TG: variants seen among roughly 807,000 people sequenced by gnomAD.
TG encodes the protein thyroglobulin, also known as thyroid hormones.
TG carries 270 observed loss-of-function variants against 324.7 expected under a neutral mutation model. The observed-to-expected ratio is 0.83, with a 90% CI of 0.75 to 0.92. The LOEUF (loss-of-function observed/expected upper bound fraction) is 0.92, where lower values mean the gene tolerates loss of function less well. Ranked by LOEUF, TG falls within the 40% of genes least tolerant of loss-of-function variation. The pLI, the probability that TG is intolerant of heterozygous loss-of-function variation, is 0.00. For missense variants in TG, 3,591 were observed against 3,456.4 expected, an observed-to-expected ratio of 1.04 and a Z score of -0.98; for synonymous variants, 1,401 against 1,327.0, an observed-to-expected ratio of 1.06 and a Z score of -1.21.
chr8:132,985,726 G>A (rs866086262), intron 35 of TG, among the ~76,000 whole-genome samples: 11 of 152,058 alleles, frequency 7.2e-5, no homozygotes, highest in African/African-American at 2.7e-4. Context: ...CAAAGGCCTG[G>A]GGAGCTGCAG....
chr8:132,869,914 G>A (rs962896485), intron 3 of TG, 88 bp downstream of exon 3: 9 of 1,171,176 alleles, frequency 7.7e-6, no homozygotes, highest in Non-Finnish European at 2.5e-6. Context: ...GTGGGTGACT[G>A]AGCAGGTCCT....
rs1422445011 is a variant in TG, at chr8:133,071,167, C to T, written c.7240-23877C>T. Among the ~76,000 whole-genome samples the T allele has an allele frequency of 2.0e-5, 3 of 152,288 alleles. No homozygotes were observed. In the East Asian group the frequency reaches 5.8e-4, roughly 29 times the overall value. On this transcript the variant is annotated intron_variant, in intron 41 of 47. Coordinates refer to ENST00000220616, the MANE Select transcript of TG (RefSeq NM_003235.5). ...AACAACAGGAGAGGGGGCACCAGTGCGTATTGAGGAATTGTGTGTCCTAGG... is the reference window on the plus strand; with the variant it reads ...AACAACAGGAGAGGGGGCACCAGTGTGTATTGAGGAATTGTGTGTCCTAGG...
Position 133,095,078 on chromosome 8 carries a change from G to A in TG, c.7274G>A (p.Ser2425Asn), listed in dbSNP as rs769833652. 6 of 1,614,054 alleles carry A rather than the reference G, an allele frequency of 3.7e-6. No homozygotes were observed. In the African/African-American group the frequency reaches 8.0e-5, roughly 22 times the overall value. The change falls in exon 42 of 48, where the codon AGC becomes AAC. Residue 2425 changes from serine to asparagine, a missense_variant. By Grantham distance (46) the Ser-to-Asn change is conservative. Transcript: ENST00000220616. ...GCACTCTCCCCGGCCGCCGTCATCA[G>A]CCATGAGAGGGCTCAGCAGCAGGCA... ...GSALSPAAVISHERAQQQAIA... is the reference protein window; with the variant it reads ...GSALSPAAVINHERAQQQAIA...
intron 42 of TG, 72 bp downstream of exon 42, chr8:133,095,280 A>G: frequency 6.2e-7 from 1 of 1,608,508 alleles, no homozygotes; most frequent in Non-Finnish European, 8.5e-7. Flanking sequence ...AGACCTAGGA[A>G]GGAGGTGTCA....
chr8:133,112,994 A>G (rs1850387555), intron 43 of TG, among the ~76,000 whole-genome samples: 1 of 152,214 alleles, frequency 6.6e-6, no homozygotes, highest in South Asian at 2.1e-4. Flanking sequence ...CATGAATGAA[A>G]CTGAATTTAG....
At chr8:133,000,632 A>C (rs1679538946) in intron 35 of TG, among the ~76,000 whole-genome samples, 1 of 152,188 alleles carries the variant, frequency 6.6e-6, no homozygotes, top group African/African-American at 2.4e-5. Flanking sequence ...ATGGAAGGAG[A>C]CAACACACGG....
intron 41 of TG, among the ~76,000 whole-genome samples, chr8:133,083,814 T>A (rs2131552821): frequency 6.6e-6 from 1 of 152,288 alleles, no homozygotes; most frequent in Admixed American, 6.5e-5. Context: ...GCCCTTCTCA[T>A]CCAGTGCCCT....
intron 3 of TG, among the ~76,000 whole-genome samples, chr8:132,870,176 T>G (rs963569297): frequency 2.0e-5 from 3 of 151,890 alleles, no homozygotes; most frequent in Non-Finnish European, 4.4e-5. Flanking sequence ...AATTTAAGAC[T>G]TGGGTCAAAG....
At chr8:132,938,783 T>G (rs533380530) in intron 25 of TG, among the ~76,000 whole-genome samples, 60 of 152,264 alleles carry the variant, frequency 3.9e-4, no homozygotes, top group African/African-American at 1.3e-3. Context: ...CCAGGCGCAG[T>G]GGCTTACGCC....
At chr8:132,937,470 C>T (rs1052766562) in intron 25 of TG, among the ~76,000 whole-genome samples, 6 of 152,108 alleles carry the variant, frequency 3.9e-5, no homozygotes, top group South Asian at 4.1e-4. Flanking sequence ...TGGCAGAGCT[C>T]GGCTCTCTCT....
chr8:132,996,527 A>G (rs1048611506), intron 35 of TG, among the ~76,000 whole-genome samples: 1 of 142,364 alleles, frequency 7.0e-6, no homozygotes, highest in Admixed American at 6.9e-5. Flanking sequence ...CTACATTACT[A>G]TTTCTATTGC....
At chr8:132,913,979 G>A (rs1366134873) in intron 20 of TG, among the ~76,000 whole-genome samples, 2 of 152,092 alleles carry the variant, frequency 1.3e-5, no homozygotes, top group Non-Finnish European at 2.9e-5. Flanking sequence ...TATATTTCTT[G>A]GCTGGTGGCT....
chr8:133,010,974 T>A (rs1459154627), intron 35 of TG, among the ~76,000 whole-genome samples: 1 of 152,188 alleles, frequency 6.6e-6, no homozygotes, highest in Admixed American at 6.5e-5. Context: ...AGGCCAGTCA[T>A]TTTAACCTCT....
chr8:132,986,152 A>G (rs1056755835), intron 35 of TG, among the ~76,000 whole-genome samples: 1 of 152,102 alleles, frequency 6.6e-6, no homozygotes, highest in Non-Finnish European at 1.5e-5. Flanking sequence ...GAAATATAGA[A>G]AGAAAATCAC....
At chr8:132,885,794 G>A (rs140003760) in intron 8 of TG, among the ~76,000 whole-genome samples, 81 of 152,256 alleles carry the variant, frequency 5.3e-4, no homozygotes, top group African/African-American at 1.9e-3. Context: ...TGTGGGCAGG[G>A]CCATGCTCTC....
chr8:133,014,750 C>T (rs192569482), intron 37 of TG, among the ~76,000 whole-genome samples: 1 of 152,376 alleles, frequency 6.6e-6, no homozygotes, highest in Non-Finnish European at 1.5e-5. Context: ...CTGCCCCCTC[C>T]TCAGCCTTAG....
At chr8:133,129,578 C>T (rs535487169) in intron 45 of TG, among the ~76,000 whole-genome samples, 5 of 152,258 alleles carry the variant, frequency 3.3e-5, no homozygotes, top group African/African-American at 1.2e-4. Flanking sequence ...TCACTGCAGC[C>T]TCGAACCTCC....
chr8:132,981,423 A>G (rs963454494), intron 34 of TG, among the ~76,000 whole-genome samples: 4 of 152,328 alleles, frequency 2.6e-5, no homozygotes, highest in African/African-American at 9.6e-5. Context: ...CCCTCAACAT[A>G]GATAGTCAAA....
chr8:133,078,982 C>G (rs184040334), intron 41 of TG, among the ~76,000 whole-genome samples: 4 of 152,282 alleles, frequency 2.6e-5, no homozygotes, highest in African/African-American at 9.6e-5. Flanking sequence ...CAAGAAACCT[C>G]TAGGGCTCCT....
Sources: allele counts gnomAD v4.1 joint callset (sites outside exome capture counted in the v4.1 genomes callset), GRCh38; gene constraint gnomAD v4.1.1; transcripts MANE v1.5; gene names NCBI Gene and HGNC (gene_info 2026-07-23, HGNC 2026-07-21).